SPATA16: variants seen among roughly 807,000 people sequenced by gnomAD.
SPATA16 encodes spermatogenesis-associated protein 16.
Under a neutral mutation model 63.3 loss-of-function variants are expected in SPATA16, and 36 were observed. The observed-to-expected ratio is 0.57, with a 90% CI of 0.44 to 0.75. The LOEUF (loss-of-function observed/expected upper bound fraction) is 0.75, where lower values mean the gene tolerates loss of function less well. SPATA16 is among the 30% of genes least tolerant of loss of function. SPATA16 has a pLI of 0.00. For missense variants in SPATA16, 646 were observed against 679.3 expected, an observed-to-expected ratio of 0.95 and a Z score of 0.54; for synonymous variants, 203 against 216.7, an observed-to-expected ratio of 0.94 and a Z score of 0.56.
At chr3:173,108,219 C>A (rs1737664804) in intron 2 of SPATA16, among the ~76,000 whole-genome samples, 1 of 151,670 alleles carries the variant, frequency 6.6e-6, no homozygotes, top group Non-Finnish European at 1.5e-5. Flanking sequence ...AACCACTGGC[C>A]CAAGTTCAGT....
intron 2 of SPATA16, among the ~76,000 whole-genome samples, chr3:173,087,565 A>T (rs1185576779): frequency 6.6e-6 from 1 of 152,184 alleles, no homozygotes; most frequent in African/African-American, 2.4e-5. Flanking sequence ...TCCGGTCATC[A>T]TGATGCTAGC....
At chr3:172,943,876 C>CA (rs1733219172) in intron 6 of SPATA16, among the ~76,000 whole-genome samples, 1 of 151,956 alleles carries the variant, frequency 6.6e-6, no homozygotes. Context: ...TAAAACTATT[C>CA]AAAAAACCCA....
At chr3:172,961,174 T>C (rs1014915223) in intron 5 of SPATA16, among the ~76,000 whole-genome samples, 3 of 151,464 alleles carry the variant, frequency 2.0e-5, no homozygotes, top group Admixed American at 1.3e-4. Context: ...TTTTGAACTA[T>C]GTGCTTGGTG....
At chr3:172,971,732 T>C (rs1414246822) in intron 5 of SPATA16, among the ~76,000 whole-genome samples, 2 of 152,158 alleles carry the variant, frequency 1.3e-5, no homozygotes, top group Non-Finnish European at 2.9e-5. Flanking sequence ...CTGGACACTA[T>C]TGCCAAGGTT....
chr3:173,113,832 C>T (rs1046186361), intron 2 of SPATA16, among the ~76,000 whole-genome samples: 3 of 152,176 alleles, frequency 2.0e-5, no homozygotes, highest in African/African-American at 7.2e-5. Context: ...TTAACCACAA[C>T]CAGTCCTCTA....
intron 6 of SPATA16, among the ~76,000 whole-genome samples, chr3:172,942,194 T>C (rs1325540696): frequency 6.6e-6 from 1 of 152,140 alleles, no homozygotes; most frequent in African/African-American, 2.4e-5. Context: ...CTCAGGGACT[T>C]ATACTCTGGC....
At chr3:172,973,264 CAT>C (rs1491206270) in intron 5 of SPATA16, among the ~76,000 whole-genome samples, 68 of 152,080 alleles carry the variant, frequency 4.5e-4, no homozygotes, top group African/African-American at 1.1e-3. Context: ...GCATATATTT[CAT>C]GTGTGTGTGT....
At chr3:173,019,619 A>G (rs1261247903) in intron 3 of SPATA16, 44 bp from the exon 4 acceptor site, 2 of 1,552,000 alleles carry the variant, frequency 1.3e-6, no homozygotes, top group Non-Finnish European at 1.8e-6. Flanking sequence ...TGGGTTTTAA[A>G]AGACAATTAC....
At chr3:173,115,690 G>C (rs1276401800) in intron 2 of SPATA16, among the ~76,000 whole-genome samples, 1 of 152,008 alleles carries the variant, frequency 6.6e-6, no homozygotes, top group African/African-American at 2.4e-5. Context: ...GTTTTTGTAC[G>C]TAGCACCTTT....
At chr3:172,971,263 C>T (rs1342762018) in intron 5 of SPATA16, among the ~76,000 whole-genome samples, 2 of 152,194 alleles carry the variant, frequency 1.3e-5, no homozygotes, top group Non-Finnish European at 2.9e-5. Flanking sequence ...CAATTGTGAA[C>T]TTGGAACACA....
intron 4 of SPATA16, among the ~76,000 whole-genome samples, chr3:172,981,366 G>A (rs1342567309): frequency 6.6e-6 from 1 of 152,144 alleles, no homozygotes; most frequent in African/African-American, 2.4e-5. Flanking sequence ...AAAGCTTCCT[G>A]TCTCTCTCAG....
At chr3:172,928,046 A>T (rs937128171) in intron 6 of SPATA16, among the ~76,000 whole-genome samples, 4 of 151,912 alleles carry the variant, frequency 2.6e-5, no homozygotes, top group African/African-American at 9.7e-5. Flanking sequence ...AGTAGCTAGG[A>T]TTACAGGCAC....
At chr3:172,928,758 T>C (rs1194218479) in intron 6 of SPATA16, among the ~76,000 whole-genome samples, 1 of 152,212 alleles carries the variant, frequency 6.6e-6, no homozygotes, top group African/African-American at 2.4e-5. Flanking sequence ...CTTCATCCTG[T>C]GAGTATTTGA....
At chr3:173,052,158 C>T (rs1736115000) in intron 2 of SPATA16, among the ~76,000 whole-genome samples, 1 of 152,112 alleles carries the variant, frequency 6.6e-6, no homozygotes, top group Non-Finnish European at 1.5e-5. Context: ...TGAGTAGTTT[C>T]CATGAGGACA....
intron 1 of SPATA16, 74 bp from the exon 2 acceptor site, chr3:173,117,823 C>A (rs1737950438): frequency 5.0e-6 from 8 of 1,601,956 alleles, no homozygotes; most frequent in Non-Finnish European, 6.0e-6. Flanking sequence ...TAGTCAAATT[C>A]ATTTTAAACA....
chr3:173,117,849 T>C (rs1737950861), intron 1 of SPATA16, 100 bp from the exon 2 acceptor site: 2 of 1,556,120 alleles, frequency 1.3e-6, no homozygotes, highest in Admixed American at 1.8e-5. Context: ...TCATTCATTA[T>C]TAGTATTTGT....
chr3:172,933,908 T>C (rs1732923860), intron 6 of SPATA16, among the ~76,000 whole-genome samples: 1 of 152,156 alleles, frequency 6.6e-6, no homozygotes, highest in African/African-American at 2.4e-5. Context: ...GTTGAATTTC[T>C]AGGAAGCACG....
chr3:173,127,473 T>C (rs142229121), intron 1 of SPATA16, among the ~76,000 whole-genome samples: 1 of 152,322 alleles, frequency 6.6e-6, no homozygotes, highest in African/African-American at 2.4e-5. Context: ...TCCAAGATAA[T>C]GTATTGTGTC....
chr3:173,027,201 C>G (rs1735471916), intron 3 of SPATA16, among the ~76,000 whole-genome samples: 1 of 151,834 alleles, frequency 6.6e-6, no homozygotes, highest in Admixed American at 6.6e-5. Flanking sequence ...TTTTAAATTT[C>G]AATTCTTATT....
Sources: gnomAD v4.1 joint callset for allele counts (sites outside exome capture counted in the v4.1 genomes callset) on GRCh38, gnomAD v4.1.1 for gene constraint, MANE v1.5 for transcripts, NCBI Gene and HGNC (gene_info 2026-07-23, HGNC 2026-07-21) for gene names.